The following PPIP5K2 variants were observed in gnomAD, a reference collection of about 807,000 sequenced individuals.
The protein encoded by PPIP5K2 is inositol hexakisphosphate and diphosphoinositol-pentakisphosphate kinase 2.
PPIP5K2 carries 105 observed loss-of-function variants against 154.6 expected under a neutral mutation model. That is an observed-to-expected ratio of 0.68 (90% CI 0.58 to 0.80). The LOEUF (loss-of-function observed/expected upper bound fraction) is 0.80. PPIP5K2 is among the 30% of genes least tolerant of loss of function. PPIP5K2 has a pLI of 0.00. For missense variants in PPIP5K2, 992 were observed against 1,504.6 expected, an observed-to-expected ratio of 0.66 and a Z score of 5.64; for synonymous variants, 480 against 490.3, an observed-to-expected ratio of 0.98 and a Z score of 0.28.
chr5:103,125,530 GGC>G (rs1789517634), intron 1 of PPIP5K2, among the ~76,000 whole-genome samples: 1 of 151,110 alleles, frequency 6.6e-6, no homozygotes, highest in Admixed American at 6.6e-5. Context: ...AAAAAAGAAA[GGC>G]TTCCTTCACT....
chr5:103,182,450 G>A (rs1397732771), intron 24 of PPIP5K2, among the ~76,000 whole-genome samples: 1 of 152,078 alleles, frequency 6.6e-6, no homozygotes, highest in Non-Finnish European at 1.5e-5. Flanking sequence ...AAATCTTGAA[G>A]ACTTTTTCCA....
intron 6 of PPIP5K2, among the ~76,000 whole-genome samples, chr5:103,147,531 G>C (rs1293855258): frequency 6.6e-6 from 1 of 151,886 alleles, no homozygotes; most frequent in Non-Finnish European, 1.5e-5. Flanking sequence ...ACATAAGAAT[G>C]TTGAAAGCAA....
In PPIP5K2 at chr5:103,199,321, T is replaced by C. The variant is rs185634343; in HGVS notation, c.3620-2201T>C. Among the ~76,000 whole-genome samples, 382 of 152,320 alleles carry C rather than the reference T, an allele frequency of 2.5e-3. 1 individual carries two copies. Among genetic ancestry groups the C allele is most frequent in the African/African-American group, 8.8e-3 (367 of 41,588 alleles). On this transcript the variant is annotated intron_variant, in intron 30 of 30. Coordinates refer to ENST00000358359, the MANE Select transcript of PPIP5K2 (RefSeq NM_001276277.3). ...TGAAGTTTTTTAGCATTTCTTAATC[T>C]GCAGGTCTGTTGGCAACAAATTCTA...
intron 2 of PPIP5K2, among the ~76,000 whole-genome samples, chr5:103,131,366 G>A (rs1221730538): frequency 2.0e-5 from 3 of 152,024 alleles, no homozygotes; most frequent in African/African-American, 4.8e-5. Context: ...GTAAATAGTT[G>A]TTATACTGTA....
chr5:103,172,513 C>T (rs1316848730), intron 19 of PPIP5K2, among the ~76,000 whole-genome samples: 3 of 151,360 alleles, frequency 2.0e-5, no homozygotes, highest in Non-Finnish European at 4.4e-5. Context: ...ACTTTTCTGC[C>T]TTCTTCCTTT....
chr5:103,192,129 T>C (rs1322623610), intron 29 of PPIP5K2, among the ~76,000 whole-genome samples: 1 of 152,032 alleles, frequency 6.6e-6, no homozygotes, highest in South Asian at 2.1e-4. Context: ...TTTTTGGTAG[T>C]AGAGGCCAGC....
intron 19 of PPIP5K2, among the ~76,000 whole-genome samples, chr5:103,171,218 C>G (rs1187834217): frequency 6.6e-6 from 1 of 151,314 alleles, no homozygotes; most frequent in African/African-American, 2.4e-5. Flanking sequence ...GCTTAATCCT[C>G]AGAAAATTGG....
At chr5:103,174,837 G>A (rs1198346483) in intron 21 of PPIP5K2, among the ~76,000 whole-genome samples, 1 of 152,072 alleles carries the variant, frequency 6.6e-6, no homozygotes, top group East Asian at 1.9e-4. Flanking sequence ...AGCATTGAAT[G>A]TGTATGTCAG....
chr5:103,194,170 T>G (rs919459657), intron 29 of PPIP5K2, among the ~76,000 whole-genome samples: 2 of 152,100 alleles, frequency 1.3e-5, no homozygotes, highest in Admixed American at 1.3e-4. Flanking sequence ...TCTGTCTCTT[T>G]GTTTTTTTTC....
chr5:103,184,446 G>C (rs1282368864), intron 25 of PPIP5K2: 1 of 405,586 alleles, frequency 2.5e-6, no homozygotes, highest in Admixed American at 4.0e-5. Flanking sequence ...CATACATGAT[G>C]TTTCATTCTG....
intron 28 of PPIP5K2, among the ~76,000 whole-genome samples, chr5:103,188,225 T>G (rs1800704305): frequency 6.6e-6 from 1 of 152,174 alleles, no homozygotes; most frequent in Non-Finnish European, 1.5e-5. Context: ...TTACAATAAT[T>G]CAGGATCAAA....
rs535640507 is a variant in PPIP5K2 at position 103,123,424 on chromosome 5, AT to A, written c.-285+2938del. Among the ~76,000 whole-genome samples, 1,027 of 152,290 alleles carry A rather than the reference AT, an allele frequency of 6.7e-3. 7 individuals carry two copies. Among genetic ancestry groups the A allele is most frequent in the Non-Finnish European group, 0.013 (854 of 68,024 alleles). On this transcript the variant is annotated intron_variant, in intron 1 of 30. Transcript: ENST00000358359. Reference sequence around the variant, plus strand: ...CTTGGAACTTTTGGAAAGGCAAAATATTGGGCCCCACCCCCAGAGTTTTGAG... The same window carrying A: ...CTTGGAACTTTTGGAAAGGCAAAATATGGGCCCCACCCCCAGAGTTTTGAG...
chr5:103,121,878 A>G (rs1788804575), intron 1 of PPIP5K2, among the ~76,000 whole-genome samples: 1 of 152,260 alleles, frequency 6.6e-6, no homozygotes, highest in Non-Finnish European at 1.5e-5. Context: ...CAAGTTAAGT[A>G]GTGGGAATAT....
chr5:103,158,592 T>G lies in PPIP5K2; in HGVS notation c.1737+19T>G. On this transcript the variant is annotated intron_variant, in intron 16 of 30. Transcript: ENST00000358359. Reference sequence around the variant, plus strand: ...TGCAAAGGTATAAATAATTTTTTTTTAGAATTATTAGAGTTTTTAATCTAA... The same window carrying G: ...TGCAAAGGTATAAATAATTTTTTTTGAGAATTATTAGAGTTTTTAATCTAA... 1 of 1,541,294 alleles carries G rather than the reference T, an allele frequency of 6.5e-7. No homozygotes were observed. Among genetic ancestry groups the G allele is most frequent in the Non-Finnish European group, 8.7e-7 (1 of 1,149,240 alleles).
At chr5:103,194,878 A>G (rs1554227933) in intron 29 of PPIP5K2, 22 bp from the exon 30 acceptor site, 2 of 1,595,696 alleles carry the variant, frequency 1.3e-6, no homozygotes, top group Non-Finnish European at 8.5e-7. Flanking sequence ...TTAAATTAAC[A>G]TGTTTGTTTA....
chr5:103,120,686 A>C, intron 1 of PPIP5K2, 198 bp downstream of exon 1: 1 of 307,320 alleles, frequency 3.3e-6, no homozygotes, highest in Non-Finnish European at 6.7e-6. Context: ...TCGCGCCTTG[A>C]TTTCTCCTCC....
chr5:103,199,350 AT>A (rs201164446), intron 30 of PPIP5K2, among the ~76,000 whole-genome samples: 2,476 of 152,000 alleles, frequency 0.016, 59 homozygotes, highest in African/African-American at 0.057. Context: ...AATTCTATTC[AT>A]TTTTTTGTGT....
intron 28 of PPIP5K2, among the ~76,000 whole-genome samples, chr5:103,188,129 C>G (rs1484598749): frequency 1.3e-5 from 2 of 152,000 alleles, no homozygotes; most frequent in African/African-American, 4.8e-5. Context: ...GTTTCATGAC[C>G]ATTATTGTAA....
At chr5:103,139,016 T>C (rs917795722) in intron 5 of PPIP5K2, among the ~76,000 whole-genome samples, 5 of 152,230 alleles carry the variant, frequency 3.3e-5, no homozygotes, top group Non-Finnish European at 7.3e-5. Flanking sequence ...GACTTGAGTA[T>C]GTGAAGATTT....
Sources: gnomAD v4.1 joint callset for allele counts (sites outside exome capture counted in the v4.1 genomes callset) on GRCh38, gnomAD v4.1.1 for gene constraint, MANE v1.5 for transcripts, NCBI Gene and HGNC (gene_info 2026-07-23, HGNC 2026-07-21) for gene names.